TENM1: variants seen among roughly 807,000 people sequenced by gnomAD.
The protein encoded by TENM1 is teneurin-1.
Under a neutral mutation model 174.8 loss-of-function variants are expected in TENM1, and 35 were observed. That is an observed-to-expected ratio of 0.20 (90% CI 0.15 to 0.27). TENM1 has a LOEUF of 0.27. Ranked by LOEUF, TENM1 falls within the 10% of genes least tolerant of loss-of-function variation. The pLI is 1.00. For synonymous variants in TENM1, 781 were observed against 798.7 expected, an observed-to-expected ratio of 0.98 and a Z score of 0.37; for missense variants, 1,633 against 2,130.1, an observed-to-expected ratio of 0.77 and a Z score of 4.59.
chrX:125,090,916 A>G, the TENM1 span, among the ~76,000 whole-genome samples: 1 of 111,707 alleles, frequency 9.0e-6, no homozygotes, highest in Non-Finnish European at 1.9e-5. Flanking sequence ...AATGGGGGAA[A>G]ATTACATTAT....
At chrX:124,800,799 C>T (rs754942945) in intron 3 of TENM1, among the ~76,000 whole-genome samples, 38 of 111,813 alleles carry the variant, frequency 3.4e-4, no homozygotes, top group Non-Finnish European at 6.0e-4. Flanking sequence ...AGTACATTGT[C>T]TCTTTGTTCT....
At chrX:124,404,956 C>A in intron 27 of TENM1, 75 bp downstream of exon 30, 1 of 558,511 alleles carries the variant, frequency 1.8e-6, no homozygotes, top group Non-Finnish European at 2.6e-6. Flanking sequence ...TGCAGTTAAA[C>A]AAACAAACAA....
At chrX:125,160,061 G>A in the TENM1 span, among the ~76,000 whole-genome samples, 18 of 109,307 alleles carry the variant, frequency 1.6e-4, no homozygotes, top group African/African-American at 5.0e-4. Context: ...TTAGCCAGGC[G>A]TGGTGGCAGG....
chrX:124,952,657 A>G (rs1247008087), intron 1 of TENM1, among the ~76,000 whole-genome samples: 2 of 111,553 alleles, frequency 1.8e-5, no homozygotes, highest in Non-Finnish European at 3.8e-5. Context: ...AGCCTTATAA[A>G]TATCTCAGTT....
the TENM1 span, among the ~76,000 whole-genome samples, chrX:125,062,141 T>C: frequency 4.7e-4 from 53 of 111,955 alleles, no homozygotes; most frequent in South Asian, 0.019. Flanking sequence ...TCTCAAATGA[T>C]TGTTTAAAAA....
At chrX:124,440,640 C>A (rs780439203) in intron 23 of TENM1, among the ~76,000 whole-genome samples, 2 of 111,106 alleles carry the variant, frequency 1.8e-5, no homozygotes, top group Non-Finnish European at 3.8e-5. Context: ...TGATACAGAA[C>A]GAAATGTTAT....
At chrX:125,093,429 C>T in the TENM1 span, among the ~76,000 whole-genome samples, 1 of 111,702 alleles carries the variant, frequency 9.0e-6, no homozygotes, top group African/African-American at 3.3e-5. Flanking sequence ...AGTCAACGTG[C>T]ACCAGAGGTG....
At chrX:124,539,851 A>C (rs2048282065) in intron 15 of TENM1, among the ~76,000 whole-genome samples, 1 of 112,132 alleles carries the variant, frequency 8.9e-6, no homozygotes, top group African/African-American at 3.2e-5. Flanking sequence ...AGTGTGTGTC[A>C]ATTTTAGCAG....
At chrX:124,489,345 C>T (rs1263883159) in intron 20 of TENM1, among the ~76,000 whole-genome samples, 1 of 112,616 alleles carries the variant, frequency 8.9e-6, no homozygotes. Context: ...ATGTACTCTT[C>T]TTTTTTAATT....
chrX:124,513,875 G>C (rs2047638967), intron 18 of TENM1, among the ~76,000 whole-genome samples: 1 of 111,646 alleles, frequency 9.0e-6, no homozygotes, highest in Non-Finnish European at 1.9e-5. Flanking sequence ...CAACTGTTCA[G>C]ATGCTTTACC....
chrX:125,012,144 T>C, the TENM1 span, among the ~76,000 whole-genome samples: 1 of 110,958 alleles, frequency 9.0e-6, no homozygotes, highest in Non-Finnish European at 1.9e-5. Context: ...TGACAACACA[T>C]GGACACAGCT....
the TENM1 span, among the ~76,000 whole-genome samples, chrX:125,011,594 C>A: frequency 8.9e-6 from 1 of 112,018 alleles, no homozygotes; most frequent in Non-Finnish European, 1.9e-5. Context: ...AAAAGCTCAT[C>A]ATCACTGGTC....
At chrX:124,377,356 C>T (rs1258161306) in exon 32 of TENM1, 1 of 110,495 alleles carries the variant, frequency 9.1e-6, no homozygotes, top group Non-Finnish European at 1.9e-5. Context: ...GATAAATTGA[C>T]AGTAAAGGAC....
chrX:124,981,319 C>G, the TENM1 span, among the ~76,000 whole-genome samples: 2 of 111,439 alleles, frequency 1.8e-5, no homozygotes, highest in Non-Finnish European at 3.8e-5. Context: ...GTATCAAACT[C>G]TAGATACTAC....
the TENM1 span, among the ~76,000 whole-genome samples, chrX:125,134,331 G>A: frequency 3.6e-5 from 4 of 112,145 alleles, no homozygotes; most frequent in Non-Finnish European, 7.5e-5. Context: ...CACCATGGCT[G>A]TGTAATTAGG....
chrX:124,818,383 G>A (rs187216540), intron 3 of TENM1, among the ~76,000 whole-genome samples: 20 of 111,952 alleles, frequency 1.8e-4, no homozygotes, highest in African/African-American at 3.2e-5. Flanking sequence ...CTGCCCTTGC[G>A]AAATTTATCT....
chrX:124,610,704 G>T (rs1165393542), intron 11 of TENM1, among the ~76,000 whole-genome samples: 1 of 110,697 alleles, frequency 9.0e-6, no homozygotes, highest in African/African-American at 3.3e-5. Flanking sequence ...TTTCTGCCAG[G>T]GAGGTATTTA....
exon 12 of TENM1, chrX:124,565,390 C>T (rs760574581): frequency 8.4e-7 from 1 of 1,194,998 alleles, no homozygotes; most frequent in Non-Finnish European, 1.1e-6. Context: ...GTGCAGTGGT[C>T]GCCCTCCCAT....
intron 1 of TENM1, among the ~76,000 whole-genome samples, chrX:124,912,721 C>T (rs1313913738): frequency 8.9e-6 from 1 of 111,779 alleles, no homozygotes; most frequent in Non-Finnish European, 1.9e-5. Context: ...ATAGTATTTG[C>T]TCTGAAAATT....
Sources: gnomAD v4.1 joint callset for allele counts (sites outside exome capture counted in the v4.1 genomes callset) on GRCh38, gnomAD v4.1.1 for gene constraint, MANE v1.5 for transcripts, NCBI Gene and HGNC (gene_info 2026-07-23, HGNC 2026-07-21) for gene names.